ABCA1: variants seen among roughly 807,000 people sequenced by gnomAD.
ABCA1 encodes the protein ATP binding cassette subfamily A member 1, also known as phospholipid-transporting ATPase ABCA1.
In ABCA1, 133 loss-of-function variants were observed where a neutral mutation model predicts 262.5. The observed-to-expected ratio is 0.51, with a 90% CI of 0.44 to 0.59. The LOEUF is 0.59. Ranked by LOEUF, ABCA1 falls within the 20% of genes least tolerant of loss-of-function variation. The pLI is 0.00. For missense variants in ABCA1, 2,452 were observed against 2,777.5 expected (o/e 0.88, Z 2.63); for synonymous variants, 1,022 against 1,043.5 (o/e 0.98, Z 0.40).
At chr9:104,806,556 A>G in intron 30 of ABCA1, 126 bp from the exon 31 acceptor site, 3 of 935,540 alleles carry the variant, frequency 3.2e-6, no homozygotes, top group Non-Finnish European at 5.0e-6. Flanking sequence ...TTTGGAAAAG[A>G]CAAGCATGAT....
At chr9:104,891,845 C>T (rs1241132654) in intron 2 of ABCA1, among the ~76,000 whole-genome samples, 3 of 149,282 alleles carry the variant, frequency 2.0e-5, no homozygotes, top group Non-Finnish European at 3.0e-5. Context: ...CATGCCTGTA[C>T]TCCCAGCTAC....
intron 9 of ABCA1, among the ~76,000 whole-genome samples, chr9:104,838,616 C>CAA (rs1191592377): frequency 3.5e-4 from 37 of 106,710 alleles, no homozygotes; most frequent in East Asian, 3.1e-3. Context: ...GACTCCCTCT[C>CAA]AAAAAAAAAA....
chr9:104,868,056 C>G, intron 5 of ABCA1, among the ~76,000 whole-genome samples: 1 of 152,198 alleles, frequency 6.6e-6, no homozygotes, highest in Non-Finnish European at 1.5e-5. Context: ...ACTTTCCCCC[C>G]TATTTAAATC....
At chr9:104,831,880 T>G in intron 12 of ABCA1, 53 bp from the exon 13 acceptor site, 1 of 1,536,970 alleles carries the variant, frequency 6.5e-7, no homozygotes, top group Non-Finnish European at 9.0e-7. Flanking sequence ...CAACAAGCAG[T>G]GGCTGAGACA....
At chr9:104,855,811 CA>C in intron 7 of ABCA1, 3 of 1,595,200 alleles carry the variant, frequency 1.9e-6, no homozygotes, top group Non-Finnish European at 2.6e-6. Context: ...CCCATGTTGC[CA>C]AAACACTGCT....
intron 49 of ABCA1, among the ~76,000 whole-genome samples, chr9:104,785,131 T>C (rs180706525): frequency 6.6e-6 from 1 of 152,350 alleles, no homozygotes; most frequent in East Asian, 1.9e-4. Flanking sequence ...CCAAGTAAAA[T>C]GCCTGGCCCA....
chr9:104,863,414 C>G (rs1253913832), intron 5 of ABCA1, among the ~76,000 whole-genome samples: 5 of 152,182 alleles, frequency 3.3e-5, no homozygotes, highest in Non-Finnish European at 7.3e-5. Context: ...ACTAAGCAAC[C>G]TCTAGAGGGC....
intron 6 of ABCA1, among the ~76,000 whole-genome samples, chr9:104,860,945 C>G (rs1226498045): frequency 6.6e-6 from 1 of 151,994 alleles, no homozygotes; most frequent in Non-Finnish European, 1.5e-5. Flanking sequence ...TTAGTAGAGA[C>G]AGGCTTTGCC....
rs9282546 is a variant in ABCA1, at chr9:104,822,510, C to G, written c.2814G>C (p.Gly938=). ...ITSFLGHNGA[G]KTTTMSILTG... ...CCTCTTCTTACATGGTGGTCGTCTT[C>G]CCCGCTCCATTGTGGCCCAGGAAGG... is the stretch of plus-strand genomic sequence containing the variant. The change falls in exon 19 of 50, where the codon GGG becomes GGC. Residue 938 remains glycine, a synonymous_variant. Coordinates refer to ENST00000374736, the MANE Select transcript of ABCA1 (RefSeq NM_005502.4). 1 of 1,613,702 alleles carries G rather than the reference C, an allele frequency of 6.2e-7. No individual in the cohort carries two copies.
chr9:104,816,259 G>A lies in ABCA1; in HGVS notation c.3622C>T (p.Leu1208=). 1 of 1,614,154 alleles carries A rather than the reference G, an allele frequency of 6.2e-7. No individual in the cohort carries two copies. Among genetic ancestry groups the A allele is most frequent in the Non-Finnish European group, 8.5e-7 (1 of 1,180,038 alleles). The change falls in exon 25 of 50, where the codon CTG becomes TTG. Residue 1208 remains leucine (L), a synonymous_variant. Coordinates refer to ENST00000374736, the MANE Select transcript of ABCA1 (RefSeq NM_005502.4). ...EDIGHELTYV[L]PYEAAKEGAF... is the part of the protein sequence containing the mutation. The stretch of plus-strand genomic sequence containing the variant: ...CCCTCCTTAGCAGCTTCATATGGCA[G>A]CACATAGGTCAGCTCATGCCCTATG...
chr9:104,862,644 C>CGGGCAGCGCCGGGCAGCGCCGGGCA (rs1554729316), intron 5 of ABCA1, among the ~76,000 whole-genome samples: 1 of 7,546 alleles, frequency 1.3e-4, no homozygotes, highest in South Asian at 0.01. Context: ...CGGGCCGGGC[C>CGGGCAGCGCCGGGCAGCGCCGGGCA]GGGCCGGGCC....
intron 27 of ABCA1, among the ~76,000 whole-genome samples, chr9:104,813,088 T>A (rs1702987960): frequency 6.6e-6 from 1 of 152,242 alleles, no homozygotes; most frequent in Admixed American, 6.5e-5. Flanking sequence ...GCTTGACATA[T>A]TTGAGAATAC....
chr9:104,807,859 CACACACACACACACACAT>C (rs1439411565), intron 30 of ABCA1, among the ~76,000 whole-genome samples: 2 of 145,482 alleles, frequency 1.4e-5, no homozygotes, highest in African/African-American at 5.3e-5. Context: ...CACACACACA[CACACACACACACACACAT>C]ATATATATTA....
rs1052604887 is a variant in ABCA1 at position 104,821,269 on chromosome 9, A to G, written c.2960+106T>C. 26 of 1,500,044 alleles carry G rather than the reference A, an allele frequency of 1.7e-5. No homozygotes were observed. The South Asian group carries it at 3.2e-4, about 18-fold the overall frequency. The allele number at this position is 1,500,044 out of a possible 1,614,324, so 92.9% of individuals were successfully genotyped here. ...AAAAATAAAAAAGAAAAAAAGAAAAAACAAAAACACAGCAAAGTAAAATGC... is the reference window on the plus strand; with the variant it reads ...AAAAATAAAAAAGAAAAAAAGAAAAGACAAAAACACAGCAAAGTAAAATGC... On this transcript the variant is annotated intron_variant, in intron 20 of 49. Coordinates refer to ENST00000374736, the MANE Select transcript of ABCA1 (RefSeq NM_005502.4).
Position 104,861,442 on chromosome 9 carries a change from C to T in ABCA1, c.543+237G>A, listed in dbSNP as rs140447164. On this transcript the variant is annotated intron_variant, in intron 6 of 49. Coordinates refer to ENST00000374736, the MANE Select transcript of ABCA1 (RefSeq NM_005502.4). ...ATCATCACAAATGCCAAGTGATAAG[C>T]CAGAAATCAATTTTATTTTAACCAG... 6.0e-4 allele frequency: 364 copies of T among 605,694 alleles called. 1 individual carries two copies. The highest frequency in any genetic ancestry group is 8.5e-4 in the Non-Finnish European group (290 of 341,858). The allele number at this position is 605,694 out of a possible 1,614,324, so 37.5% of individuals were successfully genotyped here.
intron 7 of ABCA1, among the ~76,000 whole-genome samples, chr9:104,848,622 A>T (rs1451429832): frequency 1.3e-5 from 2 of 151,904 alleles, no homozygotes; most frequent in African/African-American, 4.8e-5. Flanking sequence ...CTCAGAAAAA[A>T]AAAAAAAAAT....
intron 5 of ABCA1, among the ~76,000 whole-genome samples, chr9:104,864,106 T>C (rs1353103413): frequency 2.0e-5 from 3 of 152,220 alleles, no homozygotes; most frequent in Non-Finnish European, 2.9e-5. Flanking sequence ...ATAGGGAATA[T>C]GCGTTCTTAG....
intron 17 of ABCA1, 46 bp from the exon 18 acceptor site, chr9:104,824,624 T>A (rs752185566): frequency 6.2e-7 from 1 of 1,605,646 alleles, no homozygotes. Flanking sequence ...ATCATCCCAG[T>A]ATTCTGAGGG....
At chr9:104,896,069 G>A (rs1455124946) in intron 2 of ABCA1, among the ~76,000 whole-genome samples, 2 of 152,176 alleles carry the variant, frequency 1.3e-5, no homozygotes, top group African/African-American at 4.8e-5. Flanking sequence ...CAGAAAGGAA[G>A]AGATGAAAAT....
Sources: gnomAD v4.1 joint callset for allele counts (sites outside exome capture counted in the v4.1 genomes callset) on GRCh38, gnomAD v4.1.1 for gene constraint, MANE v1.5 for transcripts, NCBI Gene and HGNC (gene_info 2026-07-23, HGNC 2026-07-21) for gene names.